The following ATAD1 variants were observed in gnomAD, a reference collection of about 807,000 sequenced individuals.
ATAD1 encodes the protein ATPase family AAA domain containing 1.
Under a neutral mutation model 42.7 loss-of-function variants are expected in ATAD1, and 18 were observed. That is an observed-to-expected ratio of 0.42 (90% CI 0.29 to 0.63). The LOEUF (loss-of-function observed/expected upper bound fraction) is 0.63, where lower values mean the gene tolerates loss of function less well. ATAD1 is among the 20% of genes least tolerant of loss of function. The pLI, the probability that ATAD1 is intolerant of heterozygous loss-of-function variation, is 0.19. For synonymous variants in ATAD1, 132 were observed against 143.1 expected, an observed-to-expected ratio of 0.92 and a Z score of 0.55; for missense variants, 294 against 440.4, an observed-to-expected ratio of 0.67 and a Z score of 2.98.
At chr10:87,764,834 G>T (rs998255710) in intron 8 of ATAD1, among the ~76,000 whole-genome samples, 2 of 151,512 alleles carry the variant, frequency 1.3e-5, no homozygotes, top group African/African-American at 2.4e-5. Flanking sequence ...TTGGGTGTGT[G>T]GGGGGGAAGC....
intron 1 of ATAD1, among the ~76,000 whole-genome samples, chr10:87,824,877 C>T (rs1191589944): frequency 1.2e-4 from 19 of 152,176 alleles, no homozygotes; most frequent in Admixed American, 1.2e-3. Context: ...GTCTATAAAA[C>T]ATTTATGATA....
Position 87,756,543 on chromosome 10 carries a change from C to T in ATAD1, c.965+246G>A, listed in dbSNP as rs190156742. 2.8e-3 allele frequency among the ~76,000 whole-genome samples: 423 copies of T among 152,276 alleles called. 2 individuals are homozygous for T. The highest frequency in any genetic ancestry group is 4.4e-3 in the Non-Finnish European group (300 of 68,016). Reference sequence around the variant, plus strand: ...CTCACATTTACATGTGAAATTTCCACGGATCATCAGAAGAAATTCACCTTT... The same window carrying T: ...CTCACATTTACATGTGAAATTTCCATGGATCATCAGAAGAAATTCACCTTT... On this transcript the variant is annotated intron_variant, in intron 9 of 9. Transcript: ENST00000680024.
chr10:87,754,433 C>A lies in ATAD1; in HGVS notation c.*254G>T, dbSNP rs1337808645. Reference sequence around the variant, plus strand: ...CCAGCTTAGATTCTATAAGGCTGTACAATATATGGCTGAAAAGGTCAAACA... The same window carrying A: ...CCAGCTTAGATTCTATAAGGCTGTAAAATATATGGCTGAAAAGGTCAAACA... On this transcript the variant is annotated 3_prime_UTR_variant, in exon 10 of 10. Coordinates refer to ENST00000680024, the MANE Select transcript of ATAD1 (RefSeq NM_001321967.2). 2.2e-5 allele frequency: 6 copies of A among 277,172 alleles called. No individual in the cohort carries two copies. In the South Asian group the frequency reaches 4.0e-4, roughly 18 times the overall value. 17.2% of individuals were successfully genotyped at this position (277,172 alleles called of 1,614,324 possible).
chr10:87,770,018 T>C (rs752450845), intron 7 of ATAD1, among the ~76,000 whole-genome samples: 1 of 152,194 alleles, frequency 6.6e-6, no homozygotes, highest in Non-Finnish European at 1.5e-5. Context: ...TTTTCATTGA[T>C]TCATTGGGTA....
chr10:87,772,545 AC>A (rs1325372297), intron 6 of ATAD1, among the ~76,000 whole-genome samples: 1 of 152,198 alleles, frequency 6.6e-6, no homozygotes. Flanking sequence ...TAAGGAAAAA[AC>A]ATCACAAAAG....
Position 87,798,625 on chromosome 10 carries a change from G to GTGTGTGTGTGT in ATAD1, c.163-5871_163-5870insACACACACACA, listed in dbSNP as rs567973402. On this transcript the variant is annotated intron_variant, in intron 2 of 9. Coordinates refer to ENST00000680024, the MANE Select transcript of ATAD1 (RefSeq NM_001321967.2). ...AAGTTCCAAAGTAAAAGCTATAGGG[G>GTGTGTGTGTGT]GTGTGTGTGTGTGTGTGTGTGTGTG... 6.7e-3 allele frequency among the ~76,000 whole-genome samples: 839 copies of GTGTGTGTGTGT among 124,942 alleles called. 28 individuals carry two copies. Among genetic ancestry groups the GTGTGTGTGTGT allele is most frequent in the Admixed American group, 0.046 (596 of 12,918 alleles). 82.0% of individuals were successfully genotyped at this position (124,942 alleles called of 152,430 possible).
At chr10:87,776,517 G>C in intron 5 of ATAD1, 90 bp from the exon 6 acceptor site, 1 of 1,002,388 alleles carries the variant, frequency 1.0e-6, no homozygotes, top group East Asian at 2.6e-5. Flanking sequence ...TGCCCAGGCT[G>C]GGGTGCAATG....
chr10:87,813,635 T>C (rs997672365), intron 2 of ATAD1, among the ~76,000 whole-genome samples: 5 of 152,078 alleles, frequency 3.3e-5, no homozygotes, highest in South Asian at 4.1e-4. Flanking sequence ...GATTTATTCA[T>C]CTTTTTTCTT....
chr10:87,774,054 TA>T (rs901463627), intron 6 of ATAD1, among the ~76,000 whole-genome samples: 3 of 152,200 alleles, frequency 2.0e-5, no homozygotes, highest in Non-Finnish European at 4.4e-5. Context: ...TTCCTCATAA[TA>T]AAACTACACT....
rs190643746 is a variant in ATAD1, at chr10:87,792,050, C to G, written c.261+607G>C. On this transcript the variant is annotated intron_variant, in intron 3 of 9. Coordinates refer to ENST00000680024, the MANE Select transcript of ATAD1 (RefSeq NM_001321967.2). The stretch of plus-strand genomic sequence containing the variant: ...CAAAGGCAAATACATAAAAGTTTTA[C>G]TAAACAAATGCGTACAGAAAAGAGT... 7.2e-5 allele frequency among the ~76,000 whole-genome samples: 11 copies of G among 152,258 alleles called. No homozygotes were observed. In the East Asian group the frequency reaches 1.9e-3, roughly 27 times the overall value.
intron 6 of ATAD1, among the ~76,000 whole-genome samples, chr10:87,775,935 T>C (rs1040635903): frequency 2.0e-5 from 3 of 152,322 alleles, no homozygotes; most frequent in Admixed American, 6.5e-5. Flanking sequence ...TAAGGAATTA[T>C]GGTGAAAGTC....
intron 6 of ATAD1, among the ~76,000 whole-genome samples, chr10:87,771,290 T>C (rs1405650493): frequency 1.3e-5 from 2 of 152,172 alleles, no homozygotes; most frequent in Non-Finnish European, 2.9e-5. Flanking sequence ...AATTAAAGTA[T>C]GTAATGTTCA....
chr10:87,769,899 C>T (rs911156865), intron 7 of ATAD1, among the ~76,000 whole-genome samples: 42 of 151,754 alleles, frequency 2.8e-4, no homozygotes, highest in Non-Finnish European at 1.0e-4. Context: ...GCCAAGATCG[C>T]GTCACTGCAC....
intron 6 of ATAD1, among the ~76,000 whole-genome samples, chr10:87,774,605 T>G (rs1295225010): frequency 6.6e-6 from 1 of 151,884 alleles, no homozygotes; most frequent in Non-Finnish European, 1.5e-5. Flanking sequence ...GAAAAGAAAT[T>G]ATCCAGGACA....
At chr10:87,826,078 A>T (rs149633327) in intron 1 of ATAD1, among the ~76,000 whole-genome samples, 2 of 152,156 alleles carry the variant, frequency 1.3e-5, no homozygotes, top group East Asian at 3.8e-4. Flanking sequence ...GCCCAGCAGC[A>T]GTTCACTGGC....
intron 2 of ATAD1, among the ~76,000 whole-genome samples, chr10:87,796,124 T>C (rs1856376246): frequency 6.6e-6 from 1 of 152,222 alleles, no homozygotes; most frequent in African/African-American, 2.4e-5. Flanking sequence ...AAAAACATCT[T>C]CTACACATGT....
rs1176286799 is a variant in ATAD1, at chr10:87,753,657, T to G, written c.*1030A>C. 1 of 152,574 alleles carries G rather than the reference T, an allele frequency of 6.6e-6. No individual in the cohort carries two copies. Among genetic ancestry groups the G allele is most frequent in the Non-Finnish European group, 1.5e-5 (1 of 68,014 alleles). 9.5% of individuals were successfully genotyped at this position (152,574 alleles called of 1,614,324 possible). On this transcript the variant is annotated 3_prime_UTR_variant, in exon 10 of 10. Transcript: ENST00000680024. ...ATATACTAAGAAAACTAAAATTAAT[T>G]ATAAAATGAGTATTTTTAGCACACT...
chr10:87,813,162 G>C (rs936570017), intron 2 of ATAD1, among the ~76,000 whole-genome samples: 3 of 151,916 alleles, frequency 2.0e-5, no homozygotes, highest in Non-Finnish European at 2.9e-5. Context: ...TGTGTATTCA[G>C]GAGTTCTTAG....
At chr10:87,769,365 T>C (rs147086663) in intron 7 of ATAD1, among the ~76,000 whole-genome samples, 1 of 152,270 alleles carries the variant, frequency 6.6e-6, no homozygotes, top group African/African-American at 2.4e-5. Context: ...ATTCTTGACT[T>C]TGTTCATTCT....
Sources: gnomAD v4.1 joint callset for allele counts (sites outside exome capture counted in the v4.1 genomes callset) on GRCh38, gnomAD v4.1.1 for gene constraint, MANE v1.5 for transcripts, NCBI Gene and HGNC (gene_info 2026-07-23, HGNC 2026-07-21) for gene names.